MRPL22: variants seen among roughly 807,000 people sequenced by gnomAD.
MRPL22 encodes the protein mitochondrial ribosomal protein L22, also known as large ribosomal subunit protein uL22m.
A neutral mutation model predicts 32.4 loss-of-function variants in MRPL22; 27 were observed. The ratio of observed to expected loss-of-function variants is 0.83; its 90% CI spans 0.61 to 1.15. The LOEUF (loss-of-function observed/expected upper bound fraction) is 1.15. Ranked by LOEUF, MRPL22 falls within the 50% of genes most tolerant of loss-of-function variation. The pLI, the probability that MRPL22 is intolerant of heterozygous loss-of-function variation, is 0.00. For missense variants in MRPL22, 239 were observed against 260.2 expected, an observed-to-expected ratio of 0.92 and a Z score of 0.56; for synonymous variants, 86 against 87.3, an observed-to-expected ratio of 0.99 and a Z score of 0.08.
At chr5:154,964,969 G>C (rs1048680120) in intron 6 of MRPL22, among the ~76,000 whole-genome samples, 1 of 152,158 alleles carries the variant, frequency 6.6e-6, no homozygotes, top group Non-Finnish European at 1.5e-5. Flanking sequence ...CCGTGATGGG[G>C]TTTCCTTATA....
chr5:154,963,282 A>C (rs1229957456), intron 6 of MRPL22, among the ~76,000 whole-genome samples: 1 of 152,232 alleles, frequency 6.6e-6, no homozygotes, highest in African/African-American at 2.4e-5. Flanking sequence ...CCTATTGGGT[A>C]TTATCTATAG....
intron 3 of MRPL22, 99 bp downstream of exon 3, chr5:154,951,037 A>G: frequency 2.6e-6 from 2 of 762,518 alleles, no homozygotes. Flanking sequence ...AAATTATACA[A>G]CCATTCACTC....
At chr5:154,958,782 T>C (rs1261403044) in intron 5 of MRPL22, among the ~76,000 whole-genome samples, 2 of 151,778 alleles carry the variant, frequency 1.3e-5, no homozygotes, top group Non-Finnish European at 2.9e-5. Context: ...CTTGACCTCA[T>C]GATCTGCCCA....
Position 154,966,792 on chromosome 5 carries a change from G to C in MRPL22, c.516G>C (p.Leu172Phe). The C allele has an allele frequency of 5.0e-6, 8 of 1,614,166 alleles. No individual in the cohort carries two copies. The highest frequency in any genetic ancestry group is 6.8e-6 in the Non-Finnish European group (8 of 1,180,034). Residue 172 changes from leucine to phenylalanine, a missense_variant, in exon 7 of 7, where the codon TTG (leucine) becomes TTC (phenylalanine). Leu to Phe is a conservative substitution (Grantham distance 22). Transcript: ENST00000523037. ...TTTATTGCCATTATTTTGTGAAGTT[G>C]GTGGAAGGGCCCCCACCTCCACCTG... ...EKVYCHYFVK[L>F]VEGPPPPPEP...
chr5:154,959,180 G>C (rs1764669917), intron 5 of MRPL22: 1 of 152,130 alleles, frequency 6.6e-6, no homozygotes, highest in Non-Finnish European at 1.5e-5. Context: ...CTGCAGGTGT[G>C]TGCCACCACG....
At chr5:154,955,512 C>T (rs1224220657) in intron 3 of MRPL22, 1 of 152,188 alleles carries the variant, frequency 6.6e-6, no homozygotes, top group Non-Finnish European at 1.5e-5. Context: ...TATCATACTT[C>T]TCTGTTCTTT....
chr5:154,941,145 A>G lies in MRPL22; in HGVS notation c.28+7A>G. The G allele has an allele frequency of 1.9e-6, 3 of 1,613,950 alleles. No homozygotes were observed. The South Asian group carries it at 3.3e-5, about 18-fold the overall frequency. ...GCAGTACTGGGACAGTTGGGTAAGG[A>G]TTTCTTAGTGGTTAAGCGACAGAAG... On this transcript the variant is annotated splice_region_variant and intron_variant, in intron 1 of 6. Transcript: ENST00000523037.
intron 3 of MRPL22, among the ~76,000 whole-genome samples, chr5:154,951,192 G>A (rs1764556587): frequency 6.6e-6 from 1 of 152,154 alleles, no homozygotes; most frequent in African/African-American, 2.4e-5. Flanking sequence ...ACTGATTTTT[G>A]ACTCTGAGAG....
chr5:154,942,803 G>T (rs996051915), intron 2 of MRPL22, among the ~76,000 whole-genome samples: 9 of 152,154 alleles, frequency 5.9e-5, no homozygotes, highest in Non-Finnish European at 7.4e-5. Flanking sequence ...TTTATTTATT[G>T]TTGTACCTCC....
In MRPL22 at chr5:154,957,914, CT is replaced by C. The variant is rs912216773; in HGVS notation, c.339+722del. 8.4e-3 allele frequency among the ~76,000 whole-genome samples: 1,017 copies of C among 120,838 alleles called. 2 individuals carry two copies. The highest frequency in any genetic ancestry group is 0.021 in the African/African-American group (680 of 31,644). The allele number at this position is 120,838 out of a possible 152,430, so 79.3% of individuals were successfully genotyped here. A position where few individuals can be genotyped will look rare whatever the true frequency, so the allele number is the denominator to read the frequency against. ...TTCTTTTTTTATTACATATATTTTT[CT>C]TTTTTTTTTTTTTTTTTTTGAGACG... On this transcript the variant is annotated intron_variant, in intron 5 of 6. Transcript: ENST00000523037.
chr5:154,948,419 CT>C (rs1384356716), intron 2 of MRPL22, among the ~76,000 whole-genome samples: 2 of 152,062 alleles, frequency 1.3e-5, no homozygotes, highest in Non-Finnish European at 2.9e-5. Context: ...TCAACCCTCT[CT>C]TTTTTTTCTT....
chr5:154,950,758 T>G (rs752859522), intron 2 of MRPL22, 63 bp from the exon 3 acceptor site: 146 of 1,043,742 alleles, frequency 1.4e-4, no homozygotes, highest in Non-Finnish European at 1.8e-4. Flanking sequence ...TCAAAAGATA[T>G]GTAAACTCTA....
intron 2 of MRPL22, among the ~76,000 whole-genome samples, chr5:154,949,195 G>GT (rs1764528519): frequency 1.3e-5 from 2 of 152,288 alleles, no homozygotes; most frequent in Admixed American, 1.3e-4. Context: ...AATCTGGGAA[G>GT]TAGGGGCACT....
In MRPL22 at chr5:154,957,165, G is replaced by C; in HGVS notation, c.292G>C (p.Ala98Pro). ...AGGAATGTCTATTGACCAGGCTTTG[G>C]CTCAGTTGGAATTCAATGACAAAAA... is the stretch of plus-strand genomic sequence containing the variant. ...IRGMSIDQALAQLEFNDKKGA... is the reference protein window; with the variant it reads ...IRGMSIDQALPQLEFNDKKGA... The change falls in exon 5 of 7, where the codon GCT (alanine) becomes CCT (proline). Residue 98 changes from alanine to proline, a missense_variant. Ala to Pro is a conservative substitution (Grantham distance 27). Coordinates refer to ENST00000523037, the MANE Select transcript of MRPL22 (RefSeq NM_014180.4). 1 of 1,613,518 alleles carries C rather than the reference G, an allele frequency of 6.2e-7. No homozygotes were observed.
chr5:154,949,047 C>T (rs541355997), intron 2 of MRPL22, among the ~76,000 whole-genome samples: 1 of 152,276 alleles, frequency 6.6e-6, no homozygotes. Context: ...CCTTGGTAAT[C>T]TTTGATGGCT....
At chr5:154,945,674 T>G (rs1048232252) in intron 2 of MRPL22, among the ~76,000 whole-genome samples, 1 of 152,060 alleles carries the variant, frequency 6.6e-6, no homozygotes, top group Non-Finnish European at 1.5e-5. Context: ...AAGGAGACTG[T>G]GGGGGAGTGG....
intron 2 of MRPL22, among the ~76,000 whole-genome samples, chr5:154,946,601 G>A (rs1304042311): frequency 6.6e-6 from 1 of 152,034 alleles, no homozygotes; most frequent in Admixed American, 6.6e-5. Context: ...ATCACCTGAG[G>A]TCAGGAGTTC....
intron 5 of MRPL22, among the ~76,000 whole-genome samples, chr5:154,958,749 G>A (rs1283138650): frequency 6.6e-6 from 1 of 151,592 alleles, no homozygotes; most frequent in Non-Finnish European, 1.5e-5. Flanking sequence ...ATTTCACCAT[G>A]TTGGCCAGGA....
chr5:154,942,513 C>T (rs923602929), intron 2 of MRPL22, among the ~76,000 whole-genome samples: 2 of 152,164 alleles, frequency 1.3e-5, no homozygotes, highest in Non-Finnish European at 2.9e-5. Context: ...TCACTCTTCC[C>T]CCAACCATGC....
Sources: gnomAD v4.1 joint callset for allele counts (sites outside exome capture counted in the v4.1 genomes callset) on GRCh38, gnomAD v4.1.1 for gene constraint, MANE v1.5 for transcripts, NCBI Gene and HGNC (gene_info 2026-07-23, HGNC 2026-07-21) for gene names.